The following ZFR variants were observed in gnomAD, a reference collection of about 807,000 sequenced individuals.
ZFR encodes the protein zinc finger RNA-binding protein.
Under a neutral mutation model 130.7 loss-of-function variants are expected in ZFR, and 19 were observed. The ratio of observed to expected loss-of-function variants is 0.15; its 90% CI spans 0.10 to 0.21. The LOEUF is 0.21. Ranked by LOEUF, ZFR falls within the 10% of genes least tolerant of loss-of-function variation. ZFR has a pLI of 1.00. For missense variants in ZFR, 872 were observed against 1,321.5 expected (o/e 0.66, Z 5.27); for synonymous variants, 466 against 456.9 (o/e 1.02, Z -0.25).
At chr5:32,390,223 A>T in intron 12 of ZFR, 52 bp downstream of exon 12, 1 of 1,576,748 alleles carries the variant, frequency 6.3e-7, no homozygotes, top group Non-Finnish European at 8.6e-7. Context: ...TTTTCTTCTA[A>T]TGCTGAACCA....
chr5:32,397,134 T>C, intron 10 of ZFR, 85 bp downstream of exon 10: 1 of 1,470,644 alleles, frequency 6.8e-7, no homozygotes. Context: ...TGTGTTTAGA[T>C]GCTTTCTTTT....
At chr5:32,419,216 G>C (rs1753899726) in intron 3 of ZFR, among the ~76,000 whole-genome samples, 1 of 152,162 alleles carries the variant, frequency 6.6e-6, no homozygotes, top group Admixed American at 6.5e-5. Context: ...AACAAACTTG[G>C]GGTAAACAAT....
Position 32,420,011 on chromosome 5 carries a change from G to T in ZFR, c.230C>A (p.Thr77Asn). 6.2e-7 allele frequency: 1 copy of T among 1,613,872 alleles called. No homozygotes were observed. The highest frequency in any genetic ancestry group is 8.5e-7 in the Non-Finnish European group (1 of 1,180,038). The change falls in exon 3 of 20, where the codon ACT becomes AAT. Residue 77 changes from threonine (T) to asparagine (N), a missense_variant. Physicochemically the swap from Thr to Asn is moderately conservative, Grantham distance 65 (BLOSUM62 0). Around this residue, in one of 7 missense-constraint regions of ZFR, gnomAD observed 240 missense variants for 441.2 expected, o/e 0.54. Transcript: ENST00000265069. ...HQAPVAAHTV[T>N]AAYAPAAATV... Reference sequence around the variant, plus strand: ...GGCGGCTGCTGGTGCATAGGCAGCAGTAACTGTGTGAGCAGCTACTGGAGC... The same window carrying T: ...GGCGGCTGCTGGTGCATAGGCAGCATTAACTGTGTGAGCAGCTACTGGAGC...
chr5:32,358,265 G>T (rs1752353992), intron 19 of ZFR, among the ~76,000 whole-genome samples: 1 of 152,144 alleles, frequency 6.6e-6, no homozygotes, highest in South Asian at 2.1e-4. Context: ...GCTGAGGCAG[G>T]AGTATCGCTT....
chr5:32,426,103 T>C (rs1353214077), intron 2 of ZFR, among the ~76,000 whole-genome samples: 3 of 152,208 alleles, frequency 2.0e-5, no homozygotes. Flanking sequence ...ATAAGGTTTA[T>C]AATTAATAGA....
At chr5:32,395,533 G>A (rs1753283262) in intron 10 of ZFR, among the ~76,000 whole-genome samples, 1 of 152,140 alleles carries the variant, frequency 6.6e-6, no homozygotes, top group Non-Finnish European at 1.5e-5. Context: ...AAAAAGTCAT[G>A]AAATCCTTAG....
intron 9 of ZFR, 72 bp downstream of exon 9, chr5:32,399,935 C>T (rs574280434): frequency 1.5e-4 from 189 of 1,292,730 alleles, no homozygotes; most frequent in Non-Finnish European, 1.7e-4. Flanking sequence ...TAATTTTACA[C>T]GTAACATATG....
chr5:32,438,317 GC>G (rs1754388788), intron 2 of ZFR, among the ~76,000 whole-genome samples: 1 of 137,204 alleles, frequency 7.3e-6, no homozygotes, highest in African/African-American at 2.8e-5. Flanking sequence ...AGGCTGGAGT[GC>G]AATGGCGCGA....
At chr5:32,397,108 C>T (rs1004625167) in intron 10 of ZFR, 111 bp downstream of exon 10, 1 of 1,253,816 alleles carries the variant, frequency 8.0e-7, no homozygotes, top group Non-Finnish European at 1.1e-6. Context: ...AATGGGACAT[C>T]ATGGACTTGG....
At chr5:32,370,310 G>GA (rs1752635555) in intron 17 of ZFR, among the ~76,000 whole-genome samples, 12 of 69,836 alleles carry the variant, frequency 1.7e-4, no homozygotes, top group African/African-American at 7.4e-4. Flanking sequence ...TGTTGTGGGG[G>GA]GAGAGAGAGA....
intron 17 of ZFR, 45 bp from the exon 18 acceptor site, chr5:32,364,320 AT>A (rs1752493934): frequency 6.9e-7 from 1 of 1,456,286 alleles, no homozygotes; most frequent in South Asian, 1.4e-5. Context: ...TACCAAAGGA[AT>A]TACTCATTTT....
At chr5:32,378,875 AC>A (rs1027963602) in intron 17 of ZFR, among the ~76,000 whole-genome samples, 14 of 151,552 alleles carry the variant, frequency 9.2e-5, no homozygotes, top group African/African-American at 2.7e-4. Context: ...TAAAAAAAAA[AC>A]ACTGTGAAAA....
chr5:32,413,252 T>C (rs1283087373), intron 5 of ZFR, among the ~76,000 whole-genome samples: 3 of 151,664 alleles, frequency 2.0e-5, no homozygotes, highest in East Asian at 1.9e-4. Context: ...AAAAACCTGA[T>C]ATAAAAAGTT....
At chr5:32,401,316 G>A (rs924529318) in intron 8 of ZFR, among the ~76,000 whole-genome samples, 2 of 152,122 alleles carry the variant, frequency 1.3e-5, no homozygotes, top group African/African-American at 2.4e-5. Flanking sequence ...TACAAATAAC[G>A]ATAATACAAT....
intron 5 of ZFR, among the ~76,000 whole-genome samples, chr5:32,411,696 A>C (rs1753712386): frequency 3.0e-5 from 1 of 33,808 alleles, no homozygotes; most frequent in Admixed American, 2.4e-4. Context: ...CTCAAAAAAA[A>C]AAAAAAAAAT....
rs562547047 is a variant in ZFR at position 32,417,544 on chromosome 5, T to C, written c.565+104A>G. ...GTCTAGAACCTGCCTCCTAAGATGATGTGATATGAGTTTAGATGGACTCAA... is the reference window on the plus strand; with the variant it reads ...GTCTAGAACCTGCCTCCTAAGATGACGTGATATGAGTTTAGATGGACTCAA... On this transcript the variant is annotated intron_variant, in intron 4 of 19. Transcript: ENST00000265069. 2.1e-5 allele frequency: 30 copies of C among 1,421,542 alleles called. No individual in the cohort carries two copies. The African/African-American group carries it at 3.8e-4, about 18-fold the overall frequency. The allele number at this position is 1,421,542 out of a possible 1,614,324, so 88.1% of individuals were successfully genotyped here.
chr5:32,384,277 C>T (rs991894351), intron 15 of ZFR, among the ~76,000 whole-genome samples: 3 of 152,130 alleles, frequency 2.0e-5, no homozygotes, highest in African/African-American at 7.2e-5. Flanking sequence ...CCAGCAACAC[C>T]CATGGCCAGA....
chr5:32,419,154 G>A (rs1753897562), intron 3 of ZFR, among the ~76,000 whole-genome samples: 1 of 152,136 alleles, frequency 6.6e-6, no homozygotes, highest in African/African-American at 2.4e-5. Context: ...TAATGCTCTA[G>A]TACAAACAAG....
At chr5:32,404,120 A>AT in intron 6 of ZFR, 23 bp from the exon 7 acceptor site, 1 of 1,560,182 alleles carries the variant, frequency 6.4e-7, no homozygotes, top group African/African-American at 1.4e-5. Context: ...AAAAGGAAAC[A>AT]TTTTGCTTCA....
Sources: allele counts gnomAD v4.1 joint callset (sites outside exome capture counted in the v4.1 genomes callset), GRCh38; gene constraint gnomAD v4.1.1; regional missense constraint gnomAD v4.1.1; transcripts MANE v1.5; gene names NCBI Gene and HGNC (gene_info 2026-07-23, HGNC 2026-07-21).